The following RAI14 variants were observed in gnomAD, a reference collection of about 807,000 sequenced individuals.
RAI14 encodes ankycorbin.
In RAI14, 45 loss-of-function variants were observed where a neutral mutation model predicts 115.4. That is an observed-to-expected ratio of 0.39 (90% CI 0.31 to 0.50). The LOEUF is 0.50. RAI14 is among the 20% of genes least tolerant of loss of function. The probability of loss-of-function intolerance (pLI) is 0.85; values close to 1 mark genes in which losing one functional copy is unlikely to be tolerated. For synonymous variants in RAI14, 371 were observed against 415.4 expected (o/e 0.89, Z 1.30); for missense variants, 939 against 1,131.2 (o/e 0.83, Z 2.44).
At chr5:34,789,684 A>G (rs959499410) in intron 3 of RAI14, among the ~76,000 whole-genome samples, 2 of 152,168 alleles carry the variant, frequency 1.3e-5, no homozygotes, top group African/African-American at 4.8e-5. Flanking sequence ...CCCTTTTATC[A>G]AGCAACATGT....
chr5:34,746,383 G>A (rs992227373), intron 2 of RAI14, among the ~76,000 whole-genome samples: 1 of 149,708 alleles, frequency 6.7e-6, no homozygotes, highest in African/African-American at 2.5e-5. Flanking sequence ...GGGATTACAG[G>A]TGTGAGCCGC....
chr5:34,727,022 G>A (rs1473659793), intron 2 of RAI14, among the ~76,000 whole-genome samples: 1 of 152,220 alleles, frequency 6.6e-6, no homozygotes, highest in East Asian at 1.9e-4. Flanking sequence ...GGTTGAGACA[G>A]TTTGGAGGAC....
At chr5:34,734,750 C>T (rs1744648583) in intron 2 of RAI14, among the ~76,000 whole-genome samples, 1 of 152,126 alleles carries the variant, frequency 6.6e-6, no homozygotes, top group South Asian at 2.1e-4. Context: ...CAAGCTCCGC[C>T]TCCCAGGTTC....
intron 2 of RAI14, chr5:34,728,708 A>G (rs926811170): frequency 6.6e-6 from 1 of 152,004 alleles, no homozygotes; most frequent in Admixed American, 6.6e-5. Context: ...AGTCGTGGGT[A>G]TATCTTTATT....
At chr5:34,673,740 C>T (rs1369844603) in intron 1 of RAI14, among the ~76,000 whole-genome samples, 1 of 152,134 alleles carries the variant, frequency 6.6e-6, no homozygotes, top group African/African-American at 2.4e-5. Context: ...AATCAGCACC[C>T]CTCAACCCCA....
At chr5:34,657,372 G>A (rs2149834655) in intron 1 of RAI14, 1 of 152,706 alleles carries the variant, frequency 6.5e-6, no homozygotes, top group Non-Finnish European at 1.5e-5. Context: ...CTTTTGTGGA[G>A]GGGGCTCAGA....
Position 34,814,566 on chromosome 5 carries a change from T to C in RAI14, c.853-17T>C. 6.3e-7 allele frequency: 1 copy of C among 1,584,456 alleles called. No individual in the cohort carries two copies. Among genetic ancestry groups the C allele is most frequent in the Non-Finnish European group, 8.7e-7 (1 of 1,153,298 alleles). The stretch of plus-strand genomic sequence containing the variant: ...ATACATTCTTTATTAATGATTTTCA[T>C]TTTGTTTCTTTTTTAGTTGAGTGAT... On this transcript the variant is annotated splice_polypyrimidine_tract_variant and intron_variant, in intron 11 of 17. Transcript: ENST00000265109.
At chr5:34,807,010 A>G (rs994599522) in intron 5 of RAI14, among the ~76,000 whole-genome samples, 1 of 152,198 alleles carries the variant, frequency 6.6e-6, no homozygotes, top group African/African-American at 2.4e-5. Flanking sequence ...TTGTTAGGGG[A>G]CATAAAGCAG....
In RAI14 at chr5:34,829,248, C is replaced by T. The variant is rs529086840; in HGVS notation, c.2800-484C>T. ...TGTCACCCACGCTGGAGTGCAGTGG[C>T]GTGATCTCGGCTCACTACAACCTCT... On this transcript the variant is annotated intron_variant, in intron 16 of 17. Coordinates refer to ENST00000265109, the MANE Select transcript of RAI14 (RefSeq NM_015577.3). 2.6e-5 allele frequency among the ~76,000 whole-genome samples: 4 copies of T among 152,092 alleles called. No homozygotes were observed. In the East Asian group the frequency reaches 5.8e-4, roughly 22 times the overall value.
intron 2 of RAI14, among the ~76,000 whole-genome samples, chr5:34,752,772 T>TATATATATA: frequency 7.2e-6 from 1 of 139,682 alleles, no homozygotes; most frequent in African/African-American, 2.9e-5. Context: ...TATATGTATC[T>TATATATATA]TTTCTTTTTT....
chr5:34,684,978 T>C (rs1166970748), intron 1 of RAI14: 1 of 151,844 alleles, frequency 6.6e-6, no homozygotes, highest in East Asian at 1.9e-4. Flanking sequence ...GATGGAAACT[T>C]TCACATAGAT....
At chr5:34,825,590 G>A (rs987453817) in intron 15 of RAI14, among the ~76,000 whole-genome samples, 3 of 152,082 alleles carry the variant, frequency 2.0e-5, no homozygotes, top group African/African-American at 7.2e-5. Flanking sequence ...AGGTATATAG[G>A]AGAGGAAGGG....
intron 3 of RAI14, among the ~76,000 whole-genome samples, chr5:34,768,139 C>T (rs1310964074): frequency 6.6e-6 from 1 of 151,104 alleles, no homozygotes; most frequent in African/African-American, 2.4e-5. Flanking sequence ...CGGAGCTGCA[C>T]AAGACCATGG....
chr5:34,824,377 A>G lies in RAI14; in HGVS notation c.2535A>G (p.Lys845=). 2 of 1,612,778 alleles carry G rather than the reference A, an allele frequency of 1.2e-6. No individual in the cohort carries two copies. Among genetic ancestry groups the G allele is most frequent in the Non-Finnish European group, 1.7e-6 (2 of 1,178,914 alleles). ...ATATTCAGACTCTCTTGAAATCCAA[A>G]GAGCAAGAAGTAAATGAACTTCTGC... ...KENIQTLLKS[K]EQEVNELLQK... The change falls in exon 15 of 18, where the codon AAA becomes AAG. Residue 845 remains lysine (K), a synonymous_variant. Coordinates refer to ENST00000265109, the MANE Select transcript of RAI14 (RefSeq NM_015577.3).
chr5:34,768,059 G>A (rs1237429561), intron 3 of RAI14, among the ~76,000 whole-genome samples: 2 of 152,116 alleles, frequency 1.3e-5, no homozygotes, highest in African/African-American at 4.8e-5. Context: ...ACCTGGAAAA[G>A]CTGTAGACAC....
intron 5 of RAI14, among the ~76,000 whole-genome samples, chr5:34,806,514 G>A (rs945105357): frequency 6.6e-6 from 1 of 152,116 alleles, no homozygotes; most frequent in Non-Finnish European, 1.5e-5. Flanking sequence ...AAAGGGTGTC[G>A]GGAACAAGAA....
At chr5:34,754,467 A>G (rs910625517) in intron 2 of RAI14, among the ~76,000 whole-genome samples, 5 of 152,190 alleles carry the variant, frequency 3.3e-5, no homozygotes, top group Non-Finnish European at 4.4e-5. Flanking sequence ...AACTCAAGCA[A>G]TCCTTCTGCT....
At chr5:34,675,478 C>T (rs529967491) in intron 1 of RAI14, among the ~76,000 whole-genome samples, 9 of 152,188 alleles carry the variant, frequency 5.9e-5, no homozygotes, top group Admixed American at 2.6e-4. Flanking sequence ...CCTGGCCAGG[C>T]GTGGTGGCTC....
chr5:34,786,767 G>T (rs1752351311), intron 3 of RAI14, among the ~76,000 whole-genome samples: 1 of 152,160 alleles, frequency 6.6e-6, no homozygotes, highest in Non-Finnish European at 1.5e-5. Flanking sequence ...CTCGGTCGTG[G>T]AGACCCTAAC....
Sources: gnomAD v4.1 joint callset for allele counts (sites outside exome capture counted in the v4.1 genomes callset) on GRCh38, gnomAD v4.1.1 for gene constraint, MANE v1.5 for transcripts, NCBI Gene and HGNC (gene_info 2026-07-23, HGNC 2026-07-21) for gene names.